The following GPC6 variants were observed in gnomAD, a reference collection of about 807,000 sequenced individuals.
The protein encoded by GPC6 is glypican 6.
GPC6 carries 14 observed loss-of-function variants against 55.2 expected under a neutral mutation model. The ratio of observed to expected loss-of-function variants is 0.25; its 90% CI spans 0.17 to 0.40. The LOEUF (loss-of-function observed/expected upper bound fraction) is 0.40. Ranked by LOEUF, GPC6 falls within the 10% of genes least tolerant of loss-of-function variation. GPC6 has a pLI of 1.00. For missense variants in GPC6, 641 were observed against 708.5 expected, an observed-to-expected ratio of 0.90 and a Z score of 1.08; for synonymous variants, 278 against 259.6, an observed-to-expected ratio of 1.07 and a Z score of -0.68.
intron 1 of GPC6, among the ~76,000 whole-genome samples, chr13:93,441,996 A>G (rs765046915): frequency 1.3e-5 from 2 of 152,200 alleles, no homozygotes; most frequent in Admixed American, 6.5e-5. Flanking sequence ...TCTCTGCTGG[A>G]TAGAACGATC....
chr13:93,553,603 G>C (rs962714237), intron 2 of GPC6, among the ~76,000 whole-genome samples: 4 of 148,506 alleles, frequency 2.7e-5, no homozygotes, highest in Admixed American at 6.8e-5. Flanking sequence ...GCTGAGGCAG[G>C]AGAATCGCTT....
chr13:93,651,188 T>G, intron 2 of GPC6, among the ~76,000 whole-genome samples: 1 of 152,068 alleles, frequency 6.6e-6, no homozygotes, highest in Non-Finnish European at 1.5e-5. Context: ...TTATTAAAAT[T>G]GTTATTAAAA....
intron 1 of GPC6, among the ~76,000 whole-genome samples, chr13:93,461,669 G>GT (rs1878696201): frequency 7.5e-6 from 1 of 132,774 alleles, no homozygotes; most frequent in Non-Finnish European, 1.7e-5. Context: ...CCGGCGGGGG[G>GT]GTTGGGGGGG....
At chr13:94,245,675 G>C (rs1269990607) in intron 4 of GPC6, among the ~76,000 whole-genome samples, 1 of 152,016 alleles carries the variant, frequency 6.6e-6, no homozygotes, top group East Asian at 1.9e-4. Context: ...CCGTGTTGTG[G>C]CAAATGGCAA....
chr13:93,883,700 A>C (rs1875141547), intron 3 of GPC6, among the ~76,000 whole-genome samples: 1 of 151,682 alleles, frequency 6.6e-6, no homozygotes, highest in Non-Finnish European at 1.5e-5. Flanking sequence ...CCTTCATGTC[A>C]TTTTGTCCCT....
chr13:93,794,066 G>A (rs185955300), intron 2 of GPC6, among the ~76,000 whole-genome samples: 26 of 152,254 alleles, frequency 1.7e-4, no homozygotes, highest in Admixed American at 3.9e-4. Context: ...AAAGTCAGGA[G>A]GCAAGAGGGA....
chr13:94,017,699 G>A (rs1281072089), intron 3 of GPC6, among the ~76,000 whole-genome samples: 1 of 151,570 alleles, frequency 6.6e-6, no homozygotes, highest in Non-Finnish European at 1.5e-5. Flanking sequence ...TATTTTTTGA[G>A]ACAGAGTCTC....
At chr13:93,706,252 GA>G (rs1221902339) in intron 2 of GPC6, among the ~76,000 whole-genome samples, 1 of 151,768 alleles carries the variant, frequency 6.6e-6, no homozygotes, top group Non-Finnish European at 1.5e-5. Flanking sequence ...AAATATTTTT[GA>G]AAATGCTTCT....
At chr13:94,216,504 C>T (rs945168310) in intron 4 of GPC6, among the ~76,000 whole-genome samples, 12 of 152,212 alleles carry the variant, frequency 7.9e-5, no homozygotes, top group Non-Finnish European at 1.3e-4. Flanking sequence ...TCTTACCTTA[C>T]CTTTTTAAAT....
chr13:93,239,731 TTGTG>T (rs1876364245), intron 1 of GPC6, among the ~76,000 whole-genome samples: 1 of 152,036 alleles, frequency 6.6e-6, no homozygotes, highest in African/African-American at 2.4e-5. Context: ...GGTTGTCAAT[TTGTG>T]ATCTTTTTGT....
intron 1 of GPC6, among the ~76,000 whole-genome samples, chr13:93,305,087 T>C (rs541812810): frequency 3.3e-5 from 5 of 152,216 alleles, no homozygotes; most frequent in African/African-American, 9.6e-5. Flanking sequence ...TAATTTACAT[T>C]TGAGTTCCAG....
At chr13:93,615,974 C>T (rs1242211014) in intron 2 of GPC6, among the ~76,000 whole-genome samples, 1 of 152,056 alleles carries the variant, frequency 6.6e-6, no homozygotes, top group Admixed American at 6.6e-5. Context: ...CAGTGAAATC[C>T]TGATTTCTTC....
chr13:93,570,647 G>C (rs1876357742), intron 2 of GPC6, among the ~76,000 whole-genome samples: 1 of 152,148 alleles, frequency 6.6e-6, no homozygotes, highest in Admixed American at 6.6e-5. Flanking sequence ...TGAGTGAGTA[G>C]ATATCACAGG....
intron 1 of GPC6, among the ~76,000 whole-genome samples, chr13:93,432,806 A>T (rs188030885): frequency 1.3e-5 from 2 of 152,212 alleles, no homozygotes; most frequent in Admixed American, 1.3e-4. Flanking sequence ...AAAGAGAGGG[A>T]TAAAGTATTT....
intron 2 of GPC6, among the ~76,000 whole-genome samples, chr13:93,800,921 C>A (rs77012587): frequency 6.6e-6 from 1 of 152,144 alleles, no homozygotes; most frequent in African/African-American, 2.4e-5. Context: ...TATTTTTAAA[C>A]TTCTTGAGTT....
rs866889312 is a variant in GPC6 at position 94,137,738 on chromosome 13, G to A, written c.877+109844G>A. Among the ~76,000 whole-genome samples, 27 of 152,174 alleles carry A rather than the reference G, an allele frequency of 1.8e-4. 1 individual carries two copies. In the Middle Eastern group the frequency reaches 0.017, roughly 96 times the overall value. On this transcript the variant is annotated intron_variant, in intron 4 of 8. Coordinates refer to ENST00000377047, the MANE Select transcript of GPC6 (RefSeq NM_005708.5). ...TAAAAACTTCCTTAACTTAGAAATG[G>A]CTACTTTGGCAAATGAGCAAGGCAA...
At chr13:93,647,996 G>A (rs1006378928) in intron 2 of GPC6, among the ~76,000 whole-genome samples, 2 of 152,106 alleles carry the variant, frequency 1.3e-5, no homozygotes, top group African/African-American at 4.8e-5. Context: ...TGGGCTGTAA[G>A]GACTCCTTTC....
In GPC6 at chr13:94,306,048, T is replaced by C. The variant is rs1311754750; in HGVS notation, c.1077T>C (p.Asn359=). The change falls in exon 6 of 9, where the codon AAT becomes AAC. Residue 359 remains asparagine, a synonymous_variant. Transcript: ENST00000377047. ...GATCTGCCCGCTCAGCTCCTGAAAA[T>C]TTTAATACACGTTTCAGGCCCTACA... The part of the protein sequence containing the change: ...ALRSARSAPE[N]FNTRFRPYNP... 1.2e-6 allele frequency: 2 copies of C among 1,613,976 alleles called. No homozygotes were observed. The highest frequency in any genetic ancestry group is 2.7e-5 in the African/African-American group (2 of 74,910).
At chr13:94,130,021 A>G (rs1160301334) in intron 4 of GPC6, among the ~76,000 whole-genome samples, 2 of 152,148 alleles carry the variant, frequency 1.3e-5, no homozygotes, top group Non-Finnish European at 2.9e-5. Context: ...TGTAAATATG[A>G]AAGTTCTGTT....
Sources: allele counts gnomAD v4.1 joint callset (sites outside exome capture counted in the v4.1 genomes callset), GRCh38; gene constraint gnomAD v4.1.1; transcripts MANE v1.5; gene names NCBI Gene and HGNC (gene_info 2026-07-23, HGNC 2026-07-21).